PTN: variants seen among roughly 807,000 people sequenced by gnomAD.
The protein encoded by PTN is pleiotrophin.
In PTN, 18 loss-of-function variants were observed where a neutral mutation model predicts 24.1. That is an observed-to-expected ratio of 0.75 (90% CI 0.52 to 1.11). The LOEUF (loss-of-function observed/expected upper bound fraction) is 1.11. Among genes scored for constraint, PTN ranks in the 50% least tolerant of loss-of-function variants. The probability of loss-of-function intolerance (pLI) is 0.00; values close to 1 mark genes in which losing one functional copy is unlikely to be tolerated. For synonymous variants in PTN, 78 were observed against 68.6 expected (o/e 1.14, Z -0.67); for missense variants, 163 against 198.8 (o/e 0.82, Z 1.08).
intron 1 of PTN, among the ~76,000 whole-genome samples, chr7:137,302,661 T>C (rs1456734133): frequency 6.6e-6 from 1 of 152,030 alleles, no homozygotes; most frequent in Non-Finnish European, 1.5e-5. Context: ...GTTAGTGCTG[T>C]TATTGTAGTG....
At chr7:137,284,385 TTTTTTTC>T (rs1809522489) in intron 1 of PTN, among the ~76,000 whole-genome samples, 1 of 152,126 alleles carries the variant, frequency 6.6e-6, no homozygotes, top group Non-Finnish European at 1.5e-5. Context: ...TTTTTCTTTC[TTTTTTTC>T]TAACTTTCTT....
intron 1 of PTN, among the ~76,000 whole-genome samples, chr7:137,296,850 C>T (rs1055498303): frequency 6.6e-6 from 1 of 152,008 alleles, no homozygotes; most frequent in Non-Finnish European, 1.5e-5. Flanking sequence ...CACCAAACCC[C>T]CCAAATCGAA....
intron 1 of PTN, among the ~76,000 whole-genome samples, chr7:137,322,229 A>G (rs912209454): frequency 4.6e-5 from 7 of 152,234 alleles, no homozygotes; most frequent in African/African-American, 1.4e-4. Context: ...CTCCTGTGCT[A>G]TCAGGGCTTA....
chr7:137,334,191 T>C (rs1349605628), intron 1 of PTN, among the ~76,000 whole-genome samples: 2 of 149,020 alleles, frequency 1.3e-5, no homozygotes. Context: ...AATTGACAAA[T>C]GGGATCTAAT....
At chr7:137,318,482 T>C (rs888745209) in intron 1 of PTN, 4 of 152,236 alleles carry the variant, frequency 2.6e-5, no homozygotes, top group African/African-American at 9.6e-5. Flanking sequence ...AAGTATTAAC[T>C]TTTTTATATA....
intron 1 of PTN, among the ~76,000 whole-genome samples, chr7:137,329,805 T>C (rs80263190): frequency 0.032 from 4,861 of 152,258 alleles, 244 homozygotes; most frequent in African/African-American, 0.11. Context: ...GGAATATCCA[T>C]ACTCAATGCA....
intron 1 of PTN, among the ~76,000 whole-genome samples, chr7:137,312,123 A>G (rs530234918): frequency 3.3e-5 from 5 of 152,324 alleles, no homozygotes; most frequent in African/African-American, 4.8e-5. Flanking sequence ...GACACTGCCA[A>G]TGAGAGAACT....
intron 1 of PTN, among the ~76,000 whole-genome samples, chr7:137,305,341 T>A (rs558234342): frequency 6.6e-6 from 1 of 152,134 alleles, no homozygotes; most frequent in South Asian, 2.1e-4. Context: ...CACCAAAGCA[T>A]TTTCATTCTG....
intron 1 of PTN, among the ~76,000 whole-genome samples, chr7:137,264,945 A>G (rs1399612441): frequency 6.7e-6 from 1 of 149,868 alleles, no homozygotes; most frequent in East Asian, 2.0e-4. Context: ...CCAGGACCTT[A>G]CAGTCTGGGT....
At chr7:137,306,688 T>C (rs1471804306) in intron 1 of PTN, among the ~76,000 whole-genome samples, 1 of 152,130 alleles carries the variant, frequency 6.6e-6, no homozygotes, top group East Asian at 1.9e-4. Context: ...TTTGGAAATG[T>C]ATTCACAATT....
chr7:137,293,228 T>G (rs929840547), intron 1 of PTN, among the ~76,000 whole-genome samples: 1 of 151,942 alleles, frequency 6.6e-6, no homozygotes, highest in Non-Finnish European at 1.5e-5. Flanking sequence ...AACAGTGAAG[T>G]TGAGAGATGA....
At chr7:137,285,140 G>T (rs901012186) in intron 1 of PTN, among the ~76,000 whole-genome samples, 4 of 152,036 alleles carry the variant, frequency 2.6e-5, no homozygotes, top group African/African-American at 9.7e-5. Context: ...AGCTCAAATT[G>T]GTAGAAAGTT....
At chr7:137,290,812 T>A (rs145306290) in intron 1 of PTN, among the ~76,000 whole-genome samples, 88 of 152,200 alleles carry the variant, frequency 5.8e-4, no homozygotes, top group Non-Finnish European at 1.1e-3. Context: ...CAGCAAAACA[T>A]GGGGTTATGT....
intron 1 of PTN, among the ~76,000 whole-genome samples, chr7:137,322,362 T>C (rs1055357977): frequency 5.3e-5 from 8 of 152,150 alleles, no homozygotes; most frequent in Admixed American, 2.0e-4. Flanking sequence ...ATATAGTTAT[T>C]TTTTAGGAGT....
chr7:137,329,516 G>A lies in PTN; in HGVS notation c.-2+13923C>T, dbSNP rs112893877. On this transcript the variant is annotated intron_variant, in intron 1 of 4. Coordinates refer to ENST00000348225, the MANE Select transcript of PTN (RefSeq NM_002825.7). ...GGCTTCAGACAACAGCAGGAGCTTGGCTCCAGGTACCTGAGCACTGATGAG... is the reference window on the plus strand; with the variant it reads ...GGCTTCAGACAACAGCAGGAGCTTGACTCCAGGTACCTGAGCACTGATGAG... 3.9e-3 allele frequency among the ~76,000 whole-genome samples: 601 copies of A among 152,258 alleles called. 4 individuals are homozygous for A. Among genetic ancestry groups the A allele is most frequent in the Non-Finnish European group, 6.9e-3 (468 of 68,016 alleles).
At chr7:137,238,234 C>A (rs570645008) in intron 4 of PTN, among the ~76,000 whole-genome samples, 1 of 152,274 alleles carries the variant, frequency 6.6e-6, no homozygotes, top group East Asian at 1.9e-4. Flanking sequence ...ACAGCCATCC[C>A]TCAAATTGTG....
intron 1 of PTN, among the ~76,000 whole-genome samples, chr7:137,258,712 G>A (rs1002943236): frequency 2.0e-5 from 3 of 152,046 alleles, no homozygotes; most frequent in Non-Finnish European, 2.9e-5. Flanking sequence ...GTATACATAG[G>A]GGTAGATAAC....
chr7:137,253,498 AC>A lies in PTN; in HGVS notation c.254del (p.Cys85LeufsTer27). 6.2e-7 allele frequency: 1 copy of A among 1,610,988 alleles called. No individual in the cohort carries two copies. Among genetic ancestry groups the A allele is most frequent in the Non-Finnish European group, 8.5e-7 (1 of 1,178,474 alleles). ...GCTTCTTCCAGTTGCAGGGGATCTT[AC>A]ATCTCTGGGTCTTCATGGTTTGCTT... ...ECKQTMKTQR[C>X]KIPCNWKKQF... is the part of the protein sequence containing the mutation. On this transcript the variant is annotated frameshift_variant, in exon 3 of 5. Coordinates refer to ENST00000348225, the MANE Select transcript of PTN (RefSeq NM_002825.7). LOFTEE classifies it high-confidence loss of function.
At chr7:137,332,074 T>C (rs1018663678) in intron 1 of PTN, among the ~76,000 whole-genome samples, 6 of 152,242 alleles carry the variant, frequency 3.9e-5, no homozygotes, top group African/African-American at 1.4e-4. Context: ...TCCATCTTAA[T>C]TGGCTCATTT....
Sources: gnomAD v4.1 joint callset for allele counts (sites outside exome capture counted in the v4.1 genomes callset) on GRCh38, gnomAD v4.1.1 for gene constraint, MANE v1.5 for transcripts, NCBI Gene and HGNC (gene_info 2026-07-23, HGNC 2026-07-21) for gene names.